SUSD4: variants seen among roughly 807,000 people sequenced by gnomAD.
The protein encoded by SUSD4 is sushi domain containing 4, also known as sushi domain-containing protein 4.
SUSD4 carries 41 observed loss-of-function variants against 50.5 expected under a neutral mutation model. That is an observed-to-expected ratio of 0.81 (90% CI 0.63 to 1.05). The LOEUF (loss-of-function observed/expected upper bound fraction) is 1.05, where lower values mean the gene tolerates loss of function less well. Among genes scored for constraint, SUSD4 ranks in the 50% least tolerant of loss-of-function variants. The probability of loss-of-function intolerance (pLI) is 0.00; values close to 1 mark genes in which losing one functional copy is unlikely to be tolerated. For missense variants in SUSD4, 580 were observed against 634.7 expected (o/e 0.91, Z 0.93); for synonymous variants, 257 against 257.3 (o/e 1.00, Z 0.01).
At chr1:223,360,391 C>A in intron 2 of SUSD4, 1 of 347,276 alleles carries the variant, frequency 2.9e-6, no homozygotes, top group African/African-American at 2.2e-5. Flanking sequence ...ATCTCCCCAC[C>A]AACCTAATAT....
In SUSD4 at chr1:223,345,261, C is replaced by T. The variant is rs565255921; in HGVS notation, c.148+18017G>A. ...CCCTTCAGAGGTCCGCACCACTAAC[C>T]CCCTCTCTGAAACCCTCACATCCCT... On this transcript the variant is annotated intron_variant, in intron 2 of 8. Transcript: ENST00000366878. Among the ~76,000 whole-genome samples, 14 of 152,272 alleles carry T rather than the reference C, an allele frequency of 9.2e-5. No individual in the cohort carries two copies. The South Asian group carries it at 2.9e-3, about 32-fold the overall frequency.
In SUSD4 at chr1:223,264,622, T is replaced by C; in HGVS notation, c.724+8A>G. 25 of 1,613,620 alleles carry C rather than the reference T, an allele frequency of 1.5e-5. No individual in the cohort carries two copies. Among genetic ancestry groups the C allele is most frequent in the Non-Finnish European group, 2.1e-5 (25 of 1,179,666 alleles). On this transcript the variant is annotated splice_region_variant and intron_variant, in intron 5 of 8. Transcript: ENST00000366878. ...AAATACAACTTCCGAAAGAATGAGA[T>C]GTGTTACCTTCCAGAGCAAGGCACC...
chr1:223,289,940 T>A (rs1308107830), intron 3 of SUSD4, among the ~76,000 whole-genome samples: 1 of 152,216 alleles, frequency 6.6e-6, no homozygotes, highest in Non-Finnish European at 1.5e-5. Context: ...ACTCATCAAC[T>A]GTGTGACCTT....
At chr1:223,255,723 A>G (rs1661640319) in intron 5 of SUSD4, among the ~76,000 whole-genome samples, 1 of 152,122 alleles carries the variant, frequency 6.6e-6, no homozygotes, top group Non-Finnish European at 1.5e-5. Flanking sequence ...CTACTGTCCC[A>G]TGGAAAGAAG....
chr1:223,310,480 G>A (rs1665807619), intron 2 of SUSD4, among the ~76,000 whole-genome samples: 1 of 151,884 alleles, frequency 6.6e-6, no homozygotes, highest in Non-Finnish European at 1.5e-5. Flanking sequence ...AATGATTAAG[G>A]GACAATTCCC....
intron 5 of SUSD4, among the ~76,000 whole-genome samples, chr1:223,256,827 G>A (rs111947328): frequency 6.6e-5 from 10 of 152,316 alleles, no homozygotes; most frequent in African/African-American, 2.4e-4. Context: ...GGTCTTAGAA[G>A]GCCTAGAAGA....
At chr1:223,303,520 T>G (rs1665321908) in intron 2 of SUSD4, among the ~76,000 whole-genome samples, 1 of 150,430 alleles carries the variant, frequency 6.6e-6, no homozygotes, top group Admixed American at 6.6e-5. Flanking sequence ...GTTTTTGACC[T>G]GCAAATTGTG....
At chr1:223,233,523 AACAG>A (rs891407809) in intron 5 of SUSD4, among the ~76,000 whole-genome samples, 4 of 152,040 alleles carry the variant, frequency 2.6e-5, no homozygotes, top group Non-Finnish European at 4.4e-5. Context: ...CACCTTCCCT[AACAG>A]ACAGACAGTT....
At chr1:223,259,471 T>TG (rs1440805712) in intron 5 of SUSD4, among the ~76,000 whole-genome samples, 1 of 152,208 alleles carries the variant, frequency 6.6e-6, no homozygotes. Flanking sequence ...TTCTGACCCT[T>TG]GCAACCTGTC....
intron 2 of SUSD4, among the ~76,000 whole-genome samples, chr1:223,348,057 C>T (rs994224074): frequency 1.3e-5 from 2 of 151,686 alleles, no homozygotes; most frequent in Admixed American, 1.3e-4. Context: ...GAGTGGACTA[C>T]AGATCTAAGC....
chr1:223,229,533 G>A lies in SUSD4; in HGVS notation c.725-145C>T. On this transcript the variant is annotated intron_variant, in intron 5 of 8. Coordinates refer to ENST00000366878, the MANE Select transcript of SUSD4 (RefSeq NM_017982.4). The surrounding 1 kb of genome is among the most constrained non-coding windows in gnomAD (Gnocchi z 4.7). ...AGGCTACTGAGTTGCATTAGAGATG[G>A]TCTCTTTTTTAGTATTTCATGGAAG... is the stretch of plus-strand genomic sequence containing the variant. 2.7e-6 allele frequency: 2 copies of A among 743,360 alleles called. No individual in the cohort carries two copies. Among genetic ancestry groups the A allele is most frequent in the East Asian group, 5.5e-5 (2 of 36,166 alleles). The allele number at this position is 743,360 out of a possible 1,614,324, so 46.0% of individuals were successfully genotyped here. A position where few individuals can be genotyped will look rare whatever the true frequency, so the allele number is the denominator to read the frequency against.
chr1:223,327,814 G>A lies in SUSD4; in HGVS notation c.149-35163C>T, dbSNP rs1019291364. ...ACCCTATCACAGGCAGTTGTCACCCGCCTCAGAAATTCGTTAAGAGGTTGC... is the reference window on the plus strand; with the variant it reads ...ACCCTATCACAGGCAGTTGTCACCCACCTCAGAAATTCGTTAAGAGGTTGC... On this transcript the variant is annotated intron_variant, in intron 2 of 8. Transcript: ENST00000366878. Among the ~76,000 whole-genome samples, 42 of 152,308 alleles carry A rather than the reference G, an allele frequency of 2.8e-4. 1 individual carries two copies. Among genetic ancestry groups the A allele is most frequent in the African/African-American group, 7.0e-4 (29 of 41,556 alleles).
At chr1:223,257,498 C>T (rs1006393269) in intron 5 of SUSD4, among the ~76,000 whole-genome samples, 1 of 152,186 alleles carries the variant, frequency 6.6e-6, no homozygotes, top group Non-Finnish European at 1.5e-5. Flanking sequence ...ACCACTGTGG[C>T]CAAGCCTGCT....
At chr1:223,268,728 G>C in intron 3 of SUSD4, 53 bp from the exon 4 acceptor site, 2 of 1,556,658 alleles carry the variant, frequency 1.3e-6, no homozygotes, top group Non-Finnish European at 1.7e-6. Context: ...AACGGTTGTG[G>C]TTCACAGCTT....
Position 223,268,528 on chromosome 1 carries a change from G to T in SUSD4, c.509C>A (p.Thr170Lys), listed in dbSNP as rs757896333. The T allele has an allele frequency of 6.2e-7, 1 of 1,613,770 alleles. No homozygotes were observed. The highest frequency in any genetic ancestry group is 8.5e-7 in the Non-Finnish European group (1 of 1,179,920). Residue 170 changes from threonine (T) to lysine (K), a missense_variant, in exon 4 of 9, where the codon ACG becomes AAG. Physicochemically the swap from Thr to Lys is moderately conservative, Grantham distance 78. Coordinates refer to ENST00000366878, the MANE Select transcript of SUSD4 (RefSeq NM_017982.4). ...TTGACAGATGGGCAGATTATTCCAC[G>T]TTCCATCATCGCGACATAATGAAAC... ...NMVSLCRDDGTWNNLPICQGC... is the reference protein window; with the variant it reads ...NMVSLCRDDGKWNNLPICQGC...
At chr1:223,275,039 AAAC>A (rs1291671245) in intron 3 of SUSD4, among the ~76,000 whole-genome samples, 1 of 152,210 alleles carries the variant, frequency 6.6e-6, no homozygotes, top group African/African-American at 2.4e-5. Flanking sequence ...TTAAAAGTTA[AAAC>A]AACAACAATA....
chr1:223,229,886 G>A lies in SUSD4; in HGVS notation c.725-498C>T, dbSNP rs531795424. Among the ~76,000 whole-genome samples, 1 of 152,330 alleles carries A rather than the reference G, an allele frequency of 6.6e-6. No individual in the cohort carries two copies. The highest frequency in any genetic ancestry group is 1.9e-4 in the East Asian group (1 of 5,172). On this transcript the variant is annotated intron_variant, in intron 5 of 8. Transcript: ENST00000366878. The surrounding 1 kb of genome is among the most constrained non-coding windows in gnomAD (Gnocchi z 4.7). ...ACAGCTCTGCTGAGGCTTAGCCAAT[G>A]ACGAACATGGAGCAGTTCTTCTAGC...
chr1:223,339,537 C>G (rs1036641885), intron 2 of SUSD4, among the ~76,000 whole-genome samples: 1 of 152,196 alleles, frequency 6.6e-6, no homozygotes, highest in Non-Finnish European at 1.5e-5. Context: ...AAGTCTAATC[C>G]CTGCCCCCGC....
intron 7 of SUSD4, among the ~76,000 whole-genome samples, chr1:223,225,250 C>G (rs1015686091): frequency 6.6e-6 from 1 of 151,930 alleles, no homozygotes; most frequent in Non-Finnish European, 1.5e-5. Flanking sequence ...AAGAGAAGAC[C>G]CAGCTGGGTG....
Sources: gnomAD v4.1 joint callset for allele counts (sites outside exome capture counted in the v4.1 genomes callset) on GRCh38, gnomAD v4.1.1 for gene constraint, Gnocchi (gnomAD v3.1) non-coding constraint, MANE v1.5 for transcripts, NCBI Gene and HGNC (gene_info 2026-07-23, HGNC 2026-07-21) for gene names.